Variants in TTC38 observed in about 807,000 individuals in gnomAD.
The protein encoded by TTC38 is tetratricopeptide repeat protein 38.
TTC38 carries 64 observed loss-of-function variants against 64.2 expected under a neutral mutation model. That is an observed-to-expected ratio of 1.00 (90% CI 0.81 to 1.23). The LOEUF is 1.23. Among genes scored for constraint, TTC38 ranks in the 50% most tolerant of loss-of-function variants. TTC38 has a pLI of 0.00. For missense variants in TTC38, 573 were observed against 615.5 expected (o/e 0.93, Z 0.73); for synonymous variants, 254 against 249.3 (o/e 1.02, Z -0.18).
At chr22:46,278,757 G>A (rs1378628014) in intron 6 of TTC38, 96 bp downstream of exon 6, 13 of 986,790 alleles carry the variant, frequency 1.3e-5, no homozygotes, top group Admixed American at 1.2e-4. Context: ...TGACCCCGGC[G>A]AACCCCATCC....
intron 7 of TTC38, among the ~76,000 whole-genome samples, chr22:46,283,193 C>A (rs1438788172): frequency 2.0e-5 from 3 of 152,144 alleles, no homozygotes; most frequent in Non-Finnish European, 2.9e-5. Context: ...TCTGCCTCGG[C>A]CTCCCAAAGT....
intron 2 of TTC38, among the ~76,000 whole-genome samples, chr22:46,269,975 G>T (rs910727270): frequency 1.3e-5 from 2 of 152,140 alleles, no homozygotes; most frequent in African/African-American, 4.8e-5. Flanking sequence ...TGTATCTTTA[G>T]TAGAGACGGG....
Position 46,274,037 on chromosome 22 carries a change from G to A in TTC38, c.333G>A (p.Leu111=), listed in dbSNP as rs1389065324. The A allele has an allele frequency of 1.2e-6, 2 of 1,614,018 alleles. No homozygotes were observed. Among genetic ancestry groups the A allele is most frequent in the African/African-American group, 1.3e-5 (1 of 74,918 alleles). ...RTQPLTRREQ[L]HVSAVETFAN... ...AGCCGCTGACAAGGCGGGAGCAGCT[G>A]CACGTGTCTGCAGTAGAGACATTTG... The change falls in exon 4 of 14, where the codon CTG becomes CTA. Residue 111 remains leucine (L), a synonymous_variant. Coordinates refer to ENST00000381031, the MANE Select transcript of TTC38 (RefSeq NM_017931.4). This position sits in a 1 kb window ranked among gnomAD's most constrained non-coding sequence, Gnocchi z 4.8.
chr22:46,284,522 A>G (rs369537952), intron 8 of TTC38, among the ~76,000 whole-genome samples: 273 of 152,322 alleles, frequency 1.8e-3, no homozygotes, highest in Non-Finnish European at 3.1e-3. Flanking sequence ...GAATGTGATG[A>G]TACAGTGTCT....
At position 46,268,090 on chromosome 22, in the gene TTC38, C is replaced by A; in HGVS notation, c.33+18C>A. 1.3e-6 allele frequency: 2 copies of A among 1,537,556 alleles called. No individual in the cohort carries two copies. Among genetic ancestry groups the A allele is most frequent in the East Asian group, 2.5e-5 (1 of 40,218 alleles). On this transcript the variant is annotated intron_variant, in intron 1 of 13. Coordinates refer to ENST00000381031, the MANE Select transcript of TTC38 (RefSeq NM_017931.4). The stretch of plus-strand genomic sequence containing the variant: ...ACTGCCAGGTACACGGAGGCTGCCC[C>A]CAACCAGGTCCCCCTCGGGCCCCGG...
chr22:46,280,489 C>T (rs2077526166), intron 6 of TTC38, among the ~76,000 whole-genome samples: 1 of 152,362 alleles, frequency 6.6e-6, no homozygotes, highest in Middle Eastern at 3.4e-3. Context: ...TTCACTCCTG[C>T]CATTCGTGAA....
In TTC38 at chr22:46,276,547, A is replaced by G. The variant is rs1183222705; in HGVS notation, c.539+1126A>G. Among the ~76,000 whole-genome samples, 1 of 151,710 alleles carries G rather than the reference A, an allele frequency of 6.6e-6. No homozygotes were observed. The highest frequency in any genetic ancestry group is 1.5e-5 in the Non-Finnish European group (1 of 67,978). On this transcript the variant is annotated intron_variant, in intron 5 of 13. Transcript: ENST00000381031. The surrounding 1 kb of genome is among the most constrained non-coding windows in gnomAD (Gnocchi z 4.7). ...ACAAAAAGAAAAAATAAATTAAAAA[A>G]GTTAGCCAGGCATGGTGGCATGTGC...
chr22:46,287,960 G>C (rs1313186844), intron 10 of TTC38, among the ~76,000 whole-genome samples: 1 of 152,190 alleles, frequency 6.6e-6, no homozygotes, highest in African/African-American at 2.4e-5. Flanking sequence ...GGGCAGGCTT[G>C]ATGTGGTCAG....
rs1367429408 is a variant in TTC38, at chr22:46,268,009, G to C, written c.-31G>C. 6.6e-7 allele frequency: 1 copy of C among 1,526,620 alleles called. No individual in the cohort carries two copies. The highest frequency in any genetic ancestry group is 2.6e-5 in the East Asian group (1 of 39,154). 94.6% of individuals were successfully genotyped at this position (1,526,620 alleles called of 1,614,324 possible). A position where few individuals can be genotyped will look rare whatever the true frequency, so the allele number is the denominator to read the frequency against. ...ACTCCCAGGAAGGCCCGGGTGCCCAGAGCTCGCGGTGGACTCCGACCCGGC... is the reference window on the plus strand; with the variant it reads ...ACTCCCAGGAAGGCCCGGGTGCCCACAGCTCGCGGTGGACTCCGACCCGGC... On this transcript the variant is annotated 5_prime_UTR_variant, in exon 1 of 14. Transcript: ENST00000381031.
In TTC38 at chr22:46,281,252, G is replaced by A. The variant is rs375304910; in HGVS notation, c.616-347G>A. ...GCGGCAGCTGAGGCCCAGAGAGGGCGGGTATGTTTTGCAAGCACCTCAGCT... is the reference window on the plus strand; with the variant it reads ...GCGGCAGCTGAGGCCCAGAGAGGGCAGGTATGTTTTGCAAGCACCTCAGCT... On this transcript the variant is annotated intron_variant, in intron 6 of 13. Coordinates refer to ENST00000381031, the MANE Select transcript of TTC38 (RefSeq NM_017931.4). The surrounding 1 kb of genome is among the most constrained non-coding windows in gnomAD (Gnocchi z 5.2). Among the ~76,000 whole-genome samples, 1 of 152,238 alleles carries A rather than the reference G, an allele frequency of 6.6e-6. No individual in the cohort carries two copies. The highest frequency in any genetic ancestry group is 6.5e-5 in the Admixed American group (1 of 15,282).
chr22:46,278,351 C>G (rs1225861370), intron 5 of TTC38, among the ~76,000 whole-genome samples: 1 of 152,202 alleles, frequency 6.6e-6, no homozygotes, highest in Admixed American at 6.5e-5. Flanking sequence ...CGCCTTCCCT[C>G]GGCATCTGTG....
intron 6 of TTC38, chr22:46,280,330 A>C: frequency 2.6e-6 from 1 of 390,674 alleles, no homozygotes; most frequent in East Asian, 7.3e-5. Context: ...TCCAGGAGCC[A>C]GGGCTGTAGA....
At position 46,277,505 on chromosome 22, in the gene TTC38, T is replaced by C. The variant is rs534059631; in HGVS notation, c.540-1081T>C. On this transcript the variant is annotated intron_variant, in intron 5 of 13. Coordinates refer to ENST00000381031, the MANE Select transcript of TTC38 (RefSeq NM_017931.4). ...CTGTAATCCCAGCTACTCAGGAGAC[T>C]GAGGAAGGAGAATTGCTTGAACTCA... 3.4e-5 allele frequency among the ~76,000 whole-genome samples: 5 copies of C among 148,182 alleles called. No homozygotes were observed. In the East Asian group the frequency reaches 1.0e-3, roughly 30 times the overall value.
In TTC38 at chr22:46,270,252, TG is replaced by T. The variant is rs1569012392; in HGVS notation, c.111+1662del. On this transcript the variant is annotated intron_variant, in intron 2 of 13. Coordinates refer to ENST00000381031, the MANE Select transcript of TTC38 (RefSeq NM_017931.4). The surrounding 1 kb of genome is among the most constrained non-coding windows in gnomAD (Gnocchi z 4.7). ...CCAACCCTCCTGTATCTTGTCAAAA[TG>T]CTTGCGTAGCTTATAGTCTCAGCTA... 6.6e-5 allele frequency among the ~76,000 whole-genome samples: 10 copies of T among 152,184 alleles called. No homozygotes were observed. The highest frequency in any genetic ancestry group is 2.4e-4 in the African/African-American group (10 of 41,428).
chr22:46,276,798 AAT>A lies in TTC38; in HGVS notation c.539+1378_539+1379del, dbSNP rs1364825676. ...AATATATATTAAAATATATATTAAAAATTATATATTAAAATATATATATTAAA... is the reference window on the plus strand; with the variant it reads ...AATATATATTAAAATATATATTAAAATATATATTAAAATATATATATTAAA... On this transcript the variant is annotated intron_variant, in intron 5 of 13. Transcript: ENST00000381031. This position sits in a 1 kb window ranked among gnomAD's most constrained non-coding sequence, Gnocchi z 4.7. Among the ~76,000 whole-genome samples the A allele has an allele frequency of 6.4e-4, 88 of 136,448 alleles. No individual in the cohort carries two copies. Among genetic ancestry groups the A allele is most frequent in the African/African-American group, 2.5e-3 (82 of 32,546 alleles). The allele number at this position is 136,448 out of a possible 152,430, so 89.5% of individuals were successfully genotyped here. A position where few individuals can be genotyped will look rare whatever the true frequency, so the allele number is the denominator to read the frequency against.
chr22:46,292,852 C>A lies in TTC38; in HGVS notation c.1378C>A (p.Arg460Ser). 6.2e-7 allele frequency: 1 copy of A among 1,613,932 alleles called. No homozygotes were observed. Among genetic ancestry groups the A allele is most frequent in the Non-Finnish European group, 8.5e-7 (1 of 1,179,888 alleles). Reference sequence around the variant, plus strand: ...CTCGCCCCTGACCGAGCGGCTCATCCGCAAGGCAGCTACCGTCCACCTCAT... The same window carrying A: ...CTCGCCCCTGACCGAGCGGCTCATCAGCAAGGCAGCTACCGTCCACCTCAT... ...PNSPLTERLI[R>S]KAATVHLMQ The change falls in exon 14 of 14, where the codon CGC (arginine) becomes AGC (serine). Residue 460 changes from arginine to serine, a missense_variant. By Grantham distance (110) the Arg-to-Ser change is moderately radical. Transcript: ENST00000381031. The surrounding 1 kb of genome is among the most constrained non-coding windows in gnomAD (Gnocchi z 6.5).
chr22:46,291,679 G>T lies in TTC38; in HGVS notation c.1317-1112G>T, dbSNP rs1166573266. Among the ~76,000 whole-genome samples the T allele has an allele frequency of 6.6e-6, 1 of 152,186 alleles. No homozygotes were observed. The highest frequency in any genetic ancestry group is 1.5e-5 in the Non-Finnish European group (1 of 68,032). On this transcript the variant is annotated intron_variant, in intron 13 of 13. Transcript: ENST00000381031. The surrounding 1 kb of genome is among the most constrained non-coding windows in gnomAD (Gnocchi z 4.6). Reference sequence around the variant, plus strand: ...TTTAAAAGTGCCACAGACAGGCCGGGCACGGTGGCTCATGCCTGTAATCCC... The same window carrying T: ...TTTAAAAGTGCCACAGACAGGCCGGTCACGGTGGCTCATGCCTGTAATCCC...
Position 46,287,061 on chromosome 22 carries a change from CCTGT to C in TTC38, c.835-9_835-6del, listed in dbSNP as rs1223645792. The C allele has an allele frequency of 6.3e-7, 1 of 1,592,694 alleles. No homozygotes were observed. Among genetic ancestry groups the C allele is most frequent in the Non-Finnish European group, 8.5e-7 (1 of 1,171,422 alleles). ...CACCCGCTGAGCCCGCCTTGGCCGC[CCTGT>C]CTTCCAGATCCTTCCCAGCCTGCAG... On this transcript the variant is annotated splice_polypyrimidine_tract_variant and splice_region_variant and intron_variant, in intron 9 of 13. Coordinates refer to ENST00000381031, the MANE Select transcript of TTC38 (RefSeq NM_017931.4).
chr22:46,289,571 T>C lies in TTC38; in HGVS notation c.1242+10T>C, dbSNP rs767013049. On this transcript the variant is annotated intron_variant, in intron 12 of 13. Coordinates refer to ENST00000381031, the MANE Select transcript of TTC38 (RefSeq NM_017931.4). The stretch of plus-strand genomic sequence containing the variant: ...TGGGAGCAATGCCCAGGTGAGCCGA[T>C]GGCCGCCAGCTGGGGTGCCTAGGGC... 1.9e-5 allele frequency: 29 copies of C among 1,566,958 alleles called. No homozygotes were observed. In the Admixed American group the frequency reaches 1.9e-4, roughly 11 times the overall value.
Sources: gnomAD v4.1 joint callset for allele counts (sites outside exome capture counted in the v4.1 genomes callset) on GRCh38, gnomAD v4.1.1 for gene constraint, Gnocchi (gnomAD v3.1) non-coding constraint, MANE v1.5 for transcripts, NCBI Gene and HGNC (gene_info 2026-07-23, HGNC 2026-07-21) for gene names.